AGL: variants seen among roughly 807,000 people sequenced by gnomAD.
AGL encodes the protein glycogen debranching enzyme.
In AGL, 128 loss-of-function variants were observed where a neutral mutation model predicts 199.3. The observed-to-expected ratio is 0.64, with a 90% CI of 0.56 to 0.74. AGL has a LOEUF of 0.74. Among genes scored for constraint, AGL ranks in the 30% least tolerant of loss-of-function variants. AGL has a pLI of 0.00. For synonymous variants in AGL, 584 were observed against 594.7 expected, an observed-to-expected ratio of 0.98 and a Z score of 0.26; for missense variants, 1,809 against 1,820.8, an observed-to-expected ratio of 0.99 and a Z score of 0.12.
chr1:99,900,662 C>G lies in AGL; in HGVS notation c.3389C>G (p.Thr1130Ser). Residue 1130 changes from threonine to serine, a missense_variant, in exon 26 of 34, where the codon ACC becomes AGC. Thr to Ser is a moderately conservative substitution (Grantham distance 58, BLOSUM62 1). Coordinates refer to ENST00000361915, the MANE Select transcript of AGL (RefSeq NM_000642.3). ...ARNIILAFAG[T>S]LRHGLIPNLL... ...AATATTATTTTAGCATTTGCGGGTACCCTGAGGCATGGTCTCATTCCTAAT... is the reference window on the plus strand; with the variant it reads ...AATATTATTTTAGCATTTGCGGGTAGCCTGAGGCATGGTCTCATTCCTAAT... The G allele has an allele frequency of 6.2e-7, 1 of 1,613,998 alleles. No homozygotes were observed. Among genetic ancestry groups the G allele is most frequent in the Non-Finnish European group, 8.5e-7 (1 of 1,179,918 alleles).
intron 24 of AGL, 95 bp from the exon 25 acceptor site, chr1:99,896,191 C>G (rs1570472396): frequency 9.0e-7 from 1 of 1,110,580 alleles, no homozygotes; most frequent in East Asian, 2.4e-5. Context: ...GCCTTGTACC[C>G]CAGGTTTAGA....
chr1:99,869,672 G>A (rs1016604757), intron 5 of AGL, among the ~76,000 whole-genome samples: 1 of 151,984 alleles, frequency 6.6e-6, no homozygotes, highest in African/African-American at 2.4e-5. Context: ...TCTGGTATGT[G>A]GTAAATATTC....
At chr1:99,902,281 C>T (rs1653902266) in intron 26 of AGL, among the ~76,000 whole-genome samples, 1 of 152,066 alleles carries the variant, frequency 6.6e-6, no homozygotes, top group Admixed American at 6.6e-5. Flanking sequence ...TTGAGAGTTT[C>T]CCTTTAGCTC....
chr1:99,886,871 T>C (rs1356188173), intron 20 of AGL, among the ~76,000 whole-genome samples: 2 of 152,246 alleles, frequency 1.3e-5, no homozygotes, highest in Non-Finnish European at 2.9e-5. Context: ...AGCAGCTTTG[T>C]GTTTGGATGG....
chr1:99,865,923 A>C (rs987248303), intron 5 of AGL, among the ~76,000 whole-genome samples: 57 of 152,308 alleles, frequency 3.7e-4, no homozygotes, highest in African/African-American at 1.3e-3. Context: ...CTCCAGTTCT[A>C]CGGTGAAAAC....
rs1240742648 is a variant in AGL, at chr1:99,891,654, C to T, written c.2998C>T (p.Arg1000Cys). Reference sequence around the variant, plus strand: ...GTTCTTCTACCTGAAGCAGATCCCACGTTACCTTATCCCATGTTACTTTGA... The same window carrying T: ...GTTCTTCTACCTGAAGCAGATCCCATGTTACCTTATCCCATGTTACTTTGA... ...AMFFYLKQIP[R>C]YLIPCYFDAI... The change falls in exon 23 of 34, where the codon CGT becomes TGT. Residue 1000 changes from arginine to cysteine, a missense_variant. By Grantham distance (180) the Arg-to-Cys change is radical. Coordinates refer to ENST00000361915, the MANE Select transcript of AGL (RefSeq NM_000642.3). 1.9e-5 allele frequency: 31 copies of T among 1,613,396 alleles called. No homozygotes were observed. The highest frequency in any genetic ancestry group is 2.5e-5 in the Non-Finnish European group (29 of 1,179,564).
intron 27 of AGL, among the ~76,000 whole-genome samples, chr1:99,905,680 C>T (rs934496734): frequency 1.3e-5 from 2 of 152,090 alleles, no homozygotes; most frequent in African/African-American, 4.8e-5. Context: ...TTTAAGCAGT[C>T]CTCCTGCCTC....
chr1:99,905,567 C>T lies in AGL; in HGVS notation c.3700+2773C>T, dbSNP rs184434992. Among the ~76,000 whole-genome samples the T allele has an allele frequency of 7.4e-4, 112 of 152,244 alleles. 1 individual carries two copies. The highest frequency in any genetic ancestry group is 2.6e-3 in the African/African-American group (107 of 41,544). On this transcript the variant is annotated intron_variant, in intron 27 of 33. Transcript: ENST00000361915. ...GAAATGTCGGTTCACGTATTTTGCA[C>T]ATTGTCTCTTTCTTTATTATTTTTT...
chr1:99,868,289 AAAAAG>A (rs1223178558), intron 5 of AGL, among the ~76,000 whole-genome samples: 1 of 152,170 alleles, frequency 6.6e-6, no homozygotes, highest in Non-Finnish European at 1.5e-5. Flanking sequence ...AAAATATTGA[AAAAAG>A]AAACAGTTTT....
intron 7 of AGL, among the ~76,000 whole-genome samples, chr1:99,873,903 G>T (rs1651242216): frequency 6.6e-6 from 1 of 152,048 alleles, no homozygotes; most frequent in South Asian, 2.1e-4. Flanking sequence ...AGTCTCTTTA[G>T]AATAAGCCAG....
chr1:99,866,310 AG>A (rs1650505448), intron 5 of AGL, among the ~76,000 whole-genome samples: 2 of 152,218 alleles, frequency 1.3e-5, no homozygotes, highest in African/African-American at 4.8e-5. Flanking sequence ...TTCTTACAAA[AG>A]ATTAGATAGG....
intron 5 of AGL, among the ~76,000 whole-genome samples, chr1:99,867,098 C>T (rs1650579765): frequency 6.6e-6 from 1 of 152,124 alleles, no homozygotes. Context: ...GGATTACAGG[C>T]GTGAGCCACT....
intron 2 of AGL, among the ~76,000 whole-genome samples, chr1:99,856,358 C>CCCTCCCTT (rs1557741640): frequency 1.3e-5 from 1 of 77,978 alleles, no homozygotes; most frequent in African/African-American, 4.0e-5. Flanking sequence ...CTCCCTCCCT[C>CCCTCCCTT]CCTCCCTTCC....
At chr1:99,901,933 A>G (rs1018712972) in intron 26 of AGL, among the ~76,000 whole-genome samples, 1 of 152,140 alleles carries the variant, frequency 6.6e-6, no homozygotes, top group Non-Finnish European at 1.5e-5. Context: ...GGTTCATGCT[A>G]TCAGGCAGGT....
At chr1:99,852,459 T>G in intron 2 of AGL, 1 of 575,632 alleles carries the variant, frequency 1.7e-6, no homozygotes, top group Non-Finnish European at 3.1e-6. Context: ...TGCCTCAACT[T>G]CCTGGGCTCA....
Position 99,921,879 on chromosome 1 carries a change from C to A in AGL, c.*228C>A. On this transcript the variant is annotated 3_prime_UTR_variant, in exon 34 of 34. Coordinates refer to ENST00000361915, the MANE Select transcript of AGL (RefSeq NM_000642.3). Reference sequence around the variant, plus strand: ...ATTACCAATGAAATGTGTTTGAGTTCAGTAAGAATTATTCAAATGCCTAGA... The same window carrying A: ...ATTACCAATGAAATGTGTTTGAGTTAAGTAAGAATTATTCAAATGCCTAGA... 3.1e-6 allele frequency: 1 copy of A among 325,704 alleles called. No individual in the cohort carries two copies. The highest frequency in any genetic ancestry group is 5.5e-6 in the Non-Finnish European group (1 of 180,766). 20.2% of individuals were successfully genotyped at this position (325,704 alleles called of 1,614,324 possible). A position where few individuals can be genotyped will look rare whatever the true frequency, so the allele number is the denominator to read the frequency against.
At position 99,916,735 on chromosome 1, in the gene AGL, A is replaced by G. The variant is rs765840814; in HGVS notation, c.4481+4A>G. ...GACATTATGTTCATCTTGAGAGGTAAGTCATCAGGAGCATGTAATTTCCAT... is the reference window on the plus strand; with the variant it reads ...GACATTATGTTCATCTTGAGAGGTAGGTCATCAGGAGCATGTAATTTCCAT... On this transcript the variant is annotated splice_donor_region_variant and intron_variant, in intron 33 of 33. Transcript: ENST00000361915. 6.2e-7 allele frequency: 1 copy of G among 1,612,666 alleles called. No individual in the cohort carries two copies. The highest frequency in any genetic ancestry group is 1.1e-5 in the South Asian group (1 of 91,058).
Position 99,884,192 on chromosome 1 carries a change from A to G in AGL, c.2381A>G (p.Asn794Ser). 6.2e-7 allele frequency: 1 copy of G among 1,613,234 alleles called. No homozygotes were observed. Among genetic ancestry groups the G allele is most frequent in the Non-Finnish European group, 8.5e-7 (1 of 1,179,350 alleles). ...RNTKPYRKDE[N>S]SINGTPDITV... ...ACGAAACCTTATAGGAAGGATGAGA[A>G]TTCAATCAATGGAACACCAGATATC... is the stretch of plus-strand genomic sequence containing the variant. The change falls in exon 18 of 34, where the codon AAT (asparagine) becomes AGT (serine). Residue 794 changes from asparagine to serine, a missense_variant. Coordinates refer to ENST00000361915, the MANE Select transcript of AGL (RefSeq NM_000642.3).
chr1:99,917,474 G>C (rs1459600312), intron 33 of AGL, among the ~76,000 whole-genome samples: 1 of 152,084 alleles, frequency 6.6e-6, no homozygotes, highest in Non-Finnish European at 1.5e-5. Flanking sequence ...TGGCTTTCTT[G>C]TACATAGTAG....
Sources: allele counts gnomAD v4.1 joint callset (sites outside exome capture counted in the v4.1 genomes callset), GRCh38; gene constraint gnomAD v4.1.1; transcripts MANE v1.5; gene names NCBI Gene and HGNC (gene_info 2026-07-23, HGNC 2026-07-21).